Variants in MACROD2 observed in about 807,000 individuals in gnomAD.
MACROD2 encodes ADP-ribose glycohydrolase MACROD2.
MACROD2 carries 36 observed loss-of-function variants against 70.4 expected under a neutral mutation model. The ratio of observed to expected loss-of-function variants is 0.51; its 90% CI spans 0.39 to 0.68. MACROD2 has a LOEUF of 0.68. Ranked by LOEUF, MACROD2 falls within the 30% of genes least tolerant of loss-of-function variation. The pLI is 0.00. For synonymous variants in MACROD2, 172 were observed against 178.8 expected (o/e 0.96, Z 0.30); for missense variants, 496 against 538.4 (o/e 0.92, Z 0.78).
At chr20:14,881,310 A>T (rs1198359587) in intron 5 of MACROD2, among the ~76,000 whole-genome samples, 1 of 149,752 alleles carries the variant, frequency 6.7e-6, no homozygotes. Flanking sequence ...CTGTGACTCA[A>T]AGTTCTACCA....
At chr20:14,440,084 T>C (rs1032273308) in intron 3 of MACROD2, among the ~76,000 whole-genome samples, 20 of 152,194 alleles carry the variant, frequency 1.3e-4, no homozygotes, top group Admixed American at 1.3e-4. Context: ...AGGGAAAATA[T>C]TGAAGATAGT....
Position 14,352,316 on chromosome 20 carries a change from A to T in MACROD2, c.272-141163A>T, listed in dbSNP as rs544773468. 5 of 152,246 alleles carry T rather than the reference A, an allele frequency of 3.3e-5. No individual in the cohort carries two copies. The South Asian group carries it at 1.0e-3, about 32-fold the overall frequency. The allele number at this position is 152,246 out of a possible 1,614,324, so 9.4% of individuals were successfully genotyped here. ...ATTGTGAGCAAGTTTTGATAAAAAT[A>T]CTCGTCTCGCTTCGGCAGCACATAG... On this transcript the variant is annotated intron_variant, in intron 3 of 17. Coordinates refer to ENST00000684519, the MANE Select transcript of MACROD2 (RefSeq NM_001351661.2).
intron 6 of MACROD2, among the ~76,000 whole-genome samples, chr20:15,233,824 T>C (rs976601752): frequency 3.3e-5 from 5 of 150,700 alleles, no homozygotes; most frequent in Admixed American, 1.3e-4. Flanking sequence ...ATCGTTTCAA[T>C]TGAAAAAATA....
chr20:15,549,725 G>C (rs989818508), intron 8 of MACROD2, among the ~76,000 whole-genome samples: 19 of 152,084 alleles, frequency 1.2e-4, no homozygotes, highest in African/African-American at 4.3e-4. Flanking sequence ...TCCTATAATC[G>C]AAGCAGCTTC....
At chr20:16,026,109 C>T (rs1357184185) in intron 15 of MACROD2, among the ~76,000 whole-genome samples, 9 of 151,934 alleles carry the variant, frequency 5.9e-5, no homozygotes, top group East Asian at 1.9e-4. Flanking sequence ...GTCAAGATTG[C>T]GCCACTGCAC....
intron 3 of MACROD2, among the ~76,000 whole-genome samples, chr20:14,410,580 G>C (rs2083739057): frequency 6.6e-6 from 1 of 151,924 alleles, no homozygotes; most frequent in Non-Finnish European, 1.5e-5. Context: ...TTGTTTTTTT[G>C]TGGCTGTGTA....
At chr20:14,215,522 C>T (rs1055541336) in intron 3 of MACROD2, among the ~76,000 whole-genome samples, 8 of 152,084 alleles carry the variant, frequency 5.3e-5, no homozygotes, top group African/African-American at 1.9e-4. Context: ...GGTAGGTACC[C>T]CCCCAGTAAT....
At chr20:15,758,294 A>AGTGG (rs1172996200) in intron 8 of MACROD2, among the ~76,000 whole-genome samples, 1 of 131,706 alleles carries the variant, frequency 7.6e-6, no homozygotes, top group Admixed American at 8.9e-5. Context: ...GCTGGAGTGT[A>AGTGG]GTGGCGGGAT....
At chr20:14,320,740 T>C (rs1172069171) in intron 3 of MACROD2, among the ~76,000 whole-genome samples, 1 of 151,212 alleles carries the variant, frequency 6.6e-6, no homozygotes, top group Non-Finnish European at 1.5e-5. Context: ...AGTAAGTCTT[T>C]ACTGGGGCCT....
intron 5 of MACROD2, among the ~76,000 whole-genome samples, chr20:15,087,217 A>G (rs2075755615): frequency 6.6e-6 from 1 of 152,102 alleles, no homozygotes; most frequent in Non-Finnish European, 1.5e-5. Flanking sequence ...AATTAAATTG[A>G]TATTGACAGG....
At chr20:14,165,082 T>C (rs2055248250) in intron 3 of MACROD2, among the ~76,000 whole-genome samples, 6 of 152,132 alleles carry the variant, frequency 3.9e-5, no homozygotes, top group African/African-American at 2.4e-5. Context: ...ATGCAGGGGC[T>C]GTTGGGACCC....
chr20:15,488,756 T>G (rs1055531720), intron 7 of MACROD2, among the ~76,000 whole-genome samples: 1 of 152,206 alleles, frequency 6.6e-6, no homozygotes, highest in African/African-American at 2.4e-5. Context: ...ATGTCCTCAA[T>G]GAACTCCTTT....
intron 6 of MACROD2, among the ~76,000 whole-genome samples, chr20:15,292,771 C>T (rs2077552116): frequency 6.6e-6 from 1 of 152,102 alleles, no homozygotes. Context: ...TTACTTAAAA[C>T]GTTATACTAA....
At chr20:14,076,053 A>G (rs956901812) in intron 2 of MACROD2, among the ~76,000 whole-genome samples, 2 of 152,220 alleles carry the variant, frequency 1.3e-5, no homozygotes, top group Non-Finnish European at 1.5e-5. Flanking sequence ...CAAGAATACA[A>G]TTTTGACAAA....
chr20:14,337,366 C>T (rs1382346409), intron 3 of MACROD2: 1 of 281,616 alleles, frequency 3.6e-6, no homozygotes, highest in Non-Finnish European at 6.5e-6. Context: ...AGCAAACTTT[C>T]TGGGACAATC....
At position 14,322,175 on chromosome 20, in the gene MACROD2, A is replaced by AATATAT. The variant is rs374464781; in HGVS notation, c.272-171283_272-171278dup. ...GACTTGTATCTTGATATTCTATTGAAATATATATATATATATATATATATA... is the reference window on the plus strand; with the variant it reads ...GACTTGTATCTTGATATTCTATTGAAATATATATATATATATATATATATATATATA... On this transcript the variant is annotated intron_variant, in intron 3 of 17. Coordinates refer to ENST00000684519, the MANE Select transcript of MACROD2 (RefSeq NM_001351661.2). 8.2e-3 allele frequency among the ~76,000 whole-genome samples: 545 copies of AATATAT among 66,360 alleles called. 43 individuals carry two copies. The highest frequency in any genetic ancestry group is 0.018 in the African/African-American group (392 of 21,884). The allele number at this position is 66,360 out of a possible 152,430, so 43.5% of individuals were successfully genotyped here. A position where few individuals can be genotyped will look rare whatever the true frequency, so the allele number is the denominator to read the frequency against.
chr20:15,211,447 A>G (rs2876397), intron 5 of MACROD2, among the ~76,000 whole-genome samples: 17,204 of 152,022 alleles, frequency 0.11, 1,276 homozygotes, highest in African/African-American at 0.21. Flanking sequence ...GTAATCCCCA[A>G]TGTTGGAGGT....
intron 5 of MACROD2, among the ~76,000 whole-genome samples, chr20:14,743,315 A>G (rs1568770796): frequency 1.3e-5 from 2 of 152,138 alleles, no homozygotes; most frequent in African/African-American, 4.8e-5. Flanking sequence ...AGTTGTGATG[A>G]AAGTTAAGGA....
rs1368817417 is a variant in MACROD2, at chr20:15,225,321, G to A, written c.419-4619G>A. Among the ~76,000 whole-genome samples the A allele has an allele frequency of 2.0e-5, 3 of 152,220 alleles. No homozygotes were observed. The East Asian group carries it at 5.8e-4, about 29-fold the overall frequency. ...ATGATCTTTACATTTTATAAGGACA[G>A]GGTAAATGGGATTCCAGAATATGGA... On this transcript the variant is annotated intron_variant, in intron 5 of 17. Coordinates refer to ENST00000684519, the MANE Select transcript of MACROD2 (RefSeq NM_001351661.2).
Sources: allele counts gnomAD v4.1 joint callset (sites outside exome capture counted in the v4.1 genomes callset), GRCh38; gene constraint gnomAD v4.1.1; transcripts MANE v1.5; gene names NCBI Gene and HGNC (gene_info 2026-07-23, HGNC 2026-07-21).